The following INPP4B variants were observed in gnomAD, a reference collection of about 807,000 sequenced individuals.
The protein encoded by INPP4B is inositol polyphosphate 4-phosphatase type II.
A neutral mutation model predicts 122.5 loss-of-function variants in INPP4B; 55 were observed. The ratio of observed to expected loss-of-function variants is 0.45; its 90% CI spans 0.36 to 0.56. INPP4B has a LOEUF of 0.56. Among genes scored for constraint, INPP4B ranks in the 20% least tolerant of loss-of-function variants. INPP4B has a pLI of 0.00. For synonymous variants in INPP4B, 403 were observed against 388.7 expected (o/e 1.04, Z -0.43); for missense variants, 1,000 against 1,097.7 (o/e 0.91, Z 1.26).
chr4:142,196,776 G>A (rs990529737), intron 14 of INPP4B, among the ~76,000 whole-genome samples: 3 of 151,958 alleles, frequency 2.0e-5, no homozygotes, highest in African/African-American at 7.2e-5. Context: ...AACATCTCAA[G>A]GCCATATTTA....
Position 142,408,354 on chromosome 4 carries a change from A to T in INPP4B, c.137-3030T>A, listed in dbSNP as rs139915830. ...GATGACCTGACATCAGGAATTCCAG[A>T]CCAGCCTGGCCAACATGACGAAACC... On this transcript the variant is annotated intron_variant, in intron 5 of 25. Coordinates refer to ENST00000262992, the MANE Select transcript of INPP4B (RefSeq NM_001101669.3). 3.7e-3 allele frequency among the ~76,000 whole-genome samples: 566 copies of T among 152,282 alleles called. 3 individuals are homozygous for T. Among genetic ancestry groups the T allele is most frequent in the Non-Finnish European group, 6.0e-3 (406 of 68,016 alleles).
At chr4:142,607,657 T>C (rs564207527) in intron 2 of INPP4B, among the ~76,000 whole-genome samples, 9 of 152,284 alleles carry the variant, frequency 5.9e-5, no homozygotes, top group African/African-American at 1.9e-4. Flanking sequence ...TAATGCTCTG[T>C]GTACAGATTT....
Position 142,305,548 on chromosome 4 carries a change from C to T in INPP4B, c.424-11G>A, listed in dbSNP as rs1281135467. 5.6e-6 allele frequency: 9 copies of T among 1,607,412 alleles called. No individual in the cohort carries two copies. The Admixed American group carries it at 8.5e-5, about 15-fold the overall frequency. On this transcript the variant is annotated splice_polypyrimidine_tract_variant and intron_variant, in intron 8 of 25. Coordinates refer to ENST00000262992, the MANE Select transcript of INPP4B (RefSeq NM_001101669.3). Reference sequence around the variant, plus strand: ...GCCCAAGAAACTTCGCTGAAAATAACAGAAAGAATGGTTTCATTAACTTGA... The same window carrying T: ...GCCCAAGAAACTTCGCTGAAAATAATAGAAAGAATGGTTTCATTAACTTGA...
intron 25 of INPP4B, among the ~76,000 whole-genome samples, chr4:142,063,448 ACT>A (rs1762008111): frequency 6.6e-6 from 1 of 151,418 alleles, no homozygotes; most frequent in African/African-American, 2.4e-5. Context: ...TTCTTCCAAG[ACT>A]CTTTTAGTTT....
intron 11 of INPP4B, among the ~76,000 whole-genome samples, chr4:142,257,204 C>T (rs1736686400): frequency 6.6e-6 from 1 of 152,218 alleles, no homozygotes; most frequent in African/African-American, 2.4e-5. Context: ...CGGGACGTAT[C>T]TCAAAATAAT....
intron 1 of INPP4B, among the ~76,000 whole-genome samples, chr4:142,745,263 A>G (rs1007317561): frequency 2.6e-5 from 4 of 151,916 alleles, no homozygotes; most frequent in Admixed American, 2.6e-4. Context: ...AAACAAAACA[A>G]AAACAAAGGA....
chr4:142,438,322 C>T (rs1466470018), intron 3 of INPP4B, among the ~76,000 whole-genome samples: 3 of 152,110 alleles, frequency 2.0e-5, no homozygotes, highest in Non-Finnish European at 4.4e-5. Flanking sequence ...CTATAGTAAC[C>T]AAAACAGCAT....
chr4:142,645,344 A>G (rs1324373803), intron 2 of INPP4B, among the ~76,000 whole-genome samples: 1 of 152,216 alleles, frequency 6.6e-6, no homozygotes, highest in Non-Finnish European at 1.5e-5. Context: ...AAGTCAGAAA[A>G]AAATTGAGCA....
intron 2 of INPP4B, among the ~76,000 whole-genome samples, chr4:142,645,017 T>C (rs986127953): frequency 6.6e-5 from 10 of 151,970 alleles, no homozygotes; most frequent in Non-Finnish European, 1.2e-4. Context: ...GATTCTATAA[T>C]TACTAAAAAT....
intron 2 of INPP4B, among the ~76,000 whole-genome samples, chr4:142,621,054 T>C (rs1580524601): frequency 6.6e-6 from 1 of 151,936 alleles, no homozygotes; most frequent in African/African-American, 2.4e-5. Flanking sequence ...TGGATTTTCA[T>C]ACTATAATGT....
intron 5 of INPP4B, among the ~76,000 whole-genome samples, chr4:142,408,320 C>T (rs1322122891): frequency 2.0e-5 from 3 of 151,938 alleles, no homozygotes; most frequent in East Asian, 1.9e-4. Flanking sequence ...TTTGAGAGGC[C>T]GAGGCCAGGA....
chr4:142,749,662 G>A (rs947321125), intron 1 of INPP4B, among the ~76,000 whole-genome samples: 1 of 151,744 alleles, frequency 6.6e-6, no homozygotes, highest in Non-Finnish European at 1.5e-5. Flanking sequence ...AAATTAATAG[G>A]ATTACAAGAA....
intron 9 of INPP4B, among the ~76,000 whole-genome samples, chr4:142,274,031 G>A (rs944782180): frequency 6.6e-6 from 1 of 151,606 alleles, no homozygotes. Flanking sequence ...TCTATTTCAT[G>A]TTTCCAAAGA....
chr4:142,846,081 GCTCCCCC>G lies in INPP4B; in HGVS notation c.-254+121_-254+127del, dbSNP rs950722317. 1.3e-5 allele frequency: 2 copies of G among 152,106 alleles called. No homozygotes were observed. The highest frequency in any genetic ancestry group is 2.4e-5 in the African/African-American group (1 of 41,368). The allele number at this position is 152,106 out of a possible 1,614,324, so 9.4% of individuals were successfully genotyped here. On this transcript the variant is annotated intron_variant, in intron 1 of 25. Transcript: ENST00000262992. The surrounding 1 kb of genome is among the most constrained non-coding windows in gnomAD (Gnocchi z 5.1). ...GAGAAACTTGATGCAAAACAGACAG[GCTCCCCC>G]CTCCAAGACGTGCCGCCACGCTCTC... is the stretch of plus-strand genomic sequence containing the variant.
intron 2 of INPP4B, among the ~76,000 whole-genome samples, chr4:142,489,010 A>C (rs1457229379): frequency 6.6e-6 from 1 of 151,654 alleles, no homozygotes; most frequent in Non-Finnish European, 1.5e-5. Context: ...ATTTGTTCCC[A>C]AACACTTTTC....
chr4:142,497,446 A>G (rs1388691947), intron 2 of INPP4B, among the ~76,000 whole-genome samples: 1 of 152,092 alleles, frequency 6.6e-6, no homozygotes, highest in African/African-American at 2.4e-5. Flanking sequence ...AATAATGAAA[A>G]CCTCAAATTT....
intron 2 of INPP4B, chr4:142,654,379 A>AAAC (rs1753712887): frequency 6.6e-6 from 1 of 151,096 alleles, no homozygotes; most frequent in Non-Finnish European, 1.5e-5. Flanking sequence ...AAAAAAAAAA[A>AAAC]AAAAAAAAAA....
intron 2 of INPP4B, 94 bp from the exon 3 acceptor site, chr4:142,462,820 T>C (rs962551888): frequency 6.6e-6 from 1 of 152,226 alleles, no homozygotes; most frequent in African/African-American, 2.4e-5. Context: ...AATATGCTTA[T>C]AATGCCCATC....
chr4:142,328,618 G>A (rs1205920750), intron 7 of INPP4B, among the ~76,000 whole-genome samples: 2 of 152,108 alleles, frequency 1.3e-5, no homozygotes, highest in East Asian at 1.9e-4. Context: ...ATAAAACAGT[G>A]TCACTGTCTC....
Sources: gnomAD v4.1 joint callset for allele counts (sites outside exome capture counted in the v4.1 genomes callset) on GRCh38, gnomAD v4.1.1 for gene constraint, Gnocchi (gnomAD v3.1) non-coding constraint, MANE v1.5 for transcripts, NCBI Gene and HGNC (gene_info 2026-07-23, HGNC 2026-07-21) for gene names.